Variants in FANK1 observed in about 807,000 individuals in gnomAD.
FANK1 encodes fibronectin type III and ankyrin repeat domains 1.
A neutral mutation model predicts 45.3 loss-of-function variants in FANK1; 44 were observed. The ratio of observed to expected loss-of-function variants is 0.97; its 90% CI spans 0.76 to 1.25. FANK1 has a LOEUF of 1.25. Ranked by LOEUF, FANK1 falls within the 50% of genes most tolerant of loss-of-function variation. FANK1 has a pLI of 0.00. For synonymous variants in FANK1, 149 were observed against 152.5 expected (o/e 0.98, Z 0.17); for missense variants, 391 against 424.4 (o/e 0.92, Z 0.69).
At chr10:125,902,106 C>A (rs1199858781) in intron 1 of FANK1, among the ~76,000 whole-genome samples, 1 of 151,740 alleles carries the variant, frequency 6.6e-6, no homozygotes, top group Non-Finnish European at 1.5e-5. Context: ...GAGACAAGAG[C>A]AATGTGAGGT....
In FANK1 at chr10:125,983,846, G is replaced by A. The variant is rs1951378986; in HGVS notation, c.191+3508G>A. On this transcript the variant is annotated intron_variant, in intron 2 of 10. Coordinates refer to ENST00000368693, the MANE Select transcript of FANK1 (RefSeq NM_145235.5). The surrounding 1 kb of genome is among the most constrained non-coding windows in gnomAD (Gnocchi z 4.3). ...TGAAGCTGAGAAGAGGTGTGATCCGGCTTATGTTTTACGAGGATCCCTCTG... is the reference window on the plus strand; with the variant it reads ...TGAAGCTGAGAAGAGGTGTGATCCGACTTATGTTTTACGAGGATCCCTCTG... Among the ~76,000 whole-genome samples, 1 of 152,144 alleles carries A rather than the reference G, an allele frequency of 6.6e-6. No individual in the cohort carries two copies. The highest frequency in any genetic ancestry group is 1.9e-4 in the East Asian group (1 of 5,190).
chr10:125,970,045 C>G (rs560970306), intron 1 of FANK1, among the ~76,000 whole-genome samples: 1 of 152,226 alleles, frequency 6.6e-6, no homozygotes, highest in African/African-American at 2.4e-5. Context: ...GACACAGTAA[C>G]AATCTGATCT....
chr10:125,999,801 A>G lies in FANK1; in HGVS notation c.539+2316A>G, dbSNP rs190846113. ...GTTAATATGAAAAATGCGTTAAAAC[A>G]GTTCCTGGCATATGGTAAATACAGA... On this transcript the variant is annotated intron_variant, in intron 6 of 10. Transcript: ENST00000368693. Among the ~76,000 whole-genome samples, 5 of 152,356 alleles carry G rather than the reference A, an allele frequency of 3.3e-5. No individual in the cohort carries two copies. The East Asian group carries it at 7.7e-4, about 23-fold the overall frequency.
chr10:125,906,515 CAAAA>C (rs34132526), intron 1 of FANK1, among the ~76,000 whole-genome samples: 28 of 46,416 alleles, frequency 6.0e-4, no homozygotes, highest in African/African-American at 1.0e-3. Flanking sequence ...GACTCTGTCT[CAAAA>C]AAAAAAAAAA....
rs767754151 is a variant in FANK1, at chr10:125,959,413, C to CAAA, written c.14-20730_14-20728dup. ...TGAGTGACAGAATGAGACTCTGTCTCAAAAAAAAAAAAAAAAAAAAGATAC... is the reference window on the plus strand; with the variant it reads ...TGAGTGACAGAATGAGACTCTGTCTCAAAAAAAAAAAAAAAAAAAAAAAGATAC... On this transcript the variant is annotated intron_variant, in intron 1 of 10. Coordinates refer to ENST00000368693, the MANE Select transcript of FANK1 (RefSeq NM_145235.5). 3.1e-3 allele frequency among the ~76,000 whole-genome samples: 228 copies of CAAA among 74,708 alleles called. 4 individuals carry two copies. The highest frequency in any genetic ancestry group is 5.9e-3 in the African/African-American group (111 of 18,836). The allele number at this position is 74,708 out of a possible 152,430, so 49.0% of individuals were successfully genotyped here.
chr10:125,907,536 G>A (rs10794037), intron 1 of FANK1: 438,679 of 980,564 alleles, frequency 0.45, 98,557 homozygotes, highest in African/African-American at 0.53. Flanking sequence ...TCTAACTGAC[G>A]TAATATTGCA....
intron 1 of FANK1, among the ~76,000 whole-genome samples, chr10:125,925,229 C>T (rs901947475): frequency 1.3e-5 from 2 of 152,240 alleles, no homozygotes; most frequent in African/African-American, 4.8e-5. Context: ...CCTCATCTGT[C>T]AACTTTTGCT....
intron 1 of FANK1, among the ~76,000 whole-genome samples, chr10:125,902,692 A>G (rs1333981183): frequency 6.6e-6 from 1 of 152,338 alleles, no homozygotes; most frequent in Admixed American, 6.5e-5. Flanking sequence ...GAAGGAGGCA[A>G]GTAAACTTAT....
intron 1 of FANK1, chr10:125,979,820 C>A (rs1336406948): frequency 2.1e-6 from 1 of 474,180 alleles, no homozygotes; most frequent in Non-Finnish European, 4.2e-6. Context: ...CTTTGTTAGT[C>A]ACTGAAGGAT....
chr10:125,933,647 C>G (rs1947892759), intron 1 of FANK1, among the ~76,000 whole-genome samples: 1 of 152,054 alleles, frequency 6.6e-6, no homozygotes, highest in Admixed American at 6.5e-5. Context: ...CTGCTCGGAT[C>G]TTGGTAATTT....
In FANK1 at chr10:126,009,484, C is replaced by T. The variant is rs750021609; in HGVS notation, c.*46C>T. On this transcript the variant is annotated 3_prime_UTR_variant, in exon 11 of 11. Coordinates refer to ENST00000368693, the MANE Select transcript of FANK1 (RefSeq NM_145235.5). ...GAAACGCACGTAAAACAAAGTGAAC[C>T]GTGACTGTTAAACTAGGGATGGGAA... 2.3e-5 allele frequency: 36 copies of T among 1,595,288 alleles called. No individual in the cohort carries two copies. Among genetic ancestry groups the T allele is most frequent in the Admixed American group, 5.1e-5 (3 of 58,444 alleles).
At chr10:125,937,444 T>C (rs1301658711) in intron 1 of FANK1, among the ~76,000 whole-genome samples, 1 of 152,234 alleles carries the variant, frequency 6.6e-6, no homozygotes, top group African/African-American at 2.4e-5. Flanking sequence ...AAGATTCTGC[T>C]TCACAACTTG....
At chr10:125,954,459 A>T (rs957064112) in intron 1 of FANK1, among the ~76,000 whole-genome samples, 13 of 152,214 alleles carry the variant, frequency 8.5e-5, no homozygotes, top group Admixed American at 3.3e-4. Flanking sequence ...TAGTATTGTC[A>T]TGATGGTTTT....
At chr10:125,987,717 A>G (rs1951660618) in intron 2 of FANK1, among the ~76,000 whole-genome samples, 1 of 152,170 alleles carries the variant, frequency 6.6e-6, no homozygotes, top group Non-Finnish European at 1.5e-5. Flanking sequence ...AGCTCTGTCA[A>G]CTTTTGGAGA....
chr10:125,934,724 G>GGTTTTTTTTTTTT (rs1564888158), intron 1 of FANK1, among the ~76,000 whole-genome samples: 1 of 26,418 alleles, frequency 3.8e-5, no homozygotes, highest in Non-Finnish European at 7.3e-5. Flanking sequence ...TACCCCTACC[G>GGTTTTTTTTTTTT]TTTTTTTTTT....
intron 4 of FANK1, 59 bp from the exon 5 acceptor site, chr10:125,996,491 C>T (rs1952337989): frequency 6.5e-7 from 1 of 1,540,942 alleles, no homozygotes; most frequent in Non-Finnish European, 8.9e-7. Flanking sequence ...GAACCACCGG[C>T]TTTGACTCTG....
rs61870959 is a variant in FANK1, at chr10:125,983,374, C to T, written c.191+3036C>T. 0.037 allele frequency among the ~76,000 whole-genome samples: 5,562 copies of T among 152,144 alleles called. 158 individuals carry two copies. Among genetic ancestry groups the T allele is most frequent in the Non-Finnish European group, 0.056 (3,804 of 68,012 alleles). On this transcript the variant is annotated intron_variant, in intron 2 of 10. Transcript: ENST00000368693. This position sits in a 1 kb window ranked among gnomAD's most constrained non-coding sequence, Gnocchi z 4.3. Reference sequence around the variant, plus strand: ...GTCTGCCGTGTGTCAGACACTGCTCCGGATGCTGGGGATACGGCACTGGGA... The same window carrying T: ...GTCTGCCGTGTGTCAGACACTGCTCTGGATGCTGGGGATACGGCACTGGGA...
chr10:125,924,806 CAAAAAAAAAAA>C (rs58856642), intron 1 of FANK1, among the ~76,000 whole-genome samples: 2 of 70,780 alleles, frequency 2.8e-5, no homozygotes, highest in South Asian at 5.4e-4. Context: ...GACCCCATCT[CAAAAAAAAAAA>C]AAAAAAAAAA....
At chr10:125,943,353 T>C (rs1008572182) in intron 1 of FANK1, among the ~76,000 whole-genome samples, 1 of 152,198 alleles carries the variant, frequency 6.6e-6, no homozygotes, top group Admixed American at 6.5e-5. Flanking sequence ...ATAATTAATA[T>C]ACCACAAAAC....
Sources: allele counts gnomAD v4.1 joint callset (sites outside exome capture counted in the v4.1 genomes callset), GRCh38; gene constraint gnomAD v4.1.1; non-coding constraint Gnocchi (gnomAD v3.1); transcripts MANE v1.5; gene names NCBI Gene and HGNC (gene_info 2026-07-23, HGNC 2026-07-21).